Variants in FBXL17 observed in about 807,000 individuals in gnomAD.
The protein encoded by FBXL17 is F-box/LRR-repeat protein 17.
FBXL17 carries 22 observed loss-of-function variants against 66.2 expected under a neutral mutation model. The observed-to-expected ratio is 0.33, with a 90% CI of 0.24 to 0.47. The LOEUF (loss-of-function observed/expected upper bound fraction) is 0.47, where lower values mean the gene tolerates loss of function less well. Ranked by LOEUF, FBXL17 falls within the 20% of genes least tolerant of loss-of-function variation. The pLI, the probability that FBXL17 is intolerant of heterozygous loss-of-function variation, is 1.00. For synonymous variants in FBXL17, 474 were observed against 400.5 expected, an observed-to-expected ratio of 1.18 and a Z score of -2.19; for missense variants, 878 against 948.2, an observed-to-expected ratio of 0.93 and a Z score of 0.97.
chr5:108,300,814 T>C (rs1161392030), intron 4 of FBXL17, among the ~76,000 whole-genome samples: 1 of 151,744 alleles, frequency 6.6e-6, no homozygotes, highest in Non-Finnish European at 1.5e-5. Context: ...TTGTGTTATA[T>C]ATGTAAGAGT....
At position 107,980,644 on chromosome 5, in the gene FBXL17, TAA is replaced by T. The variant is rs1491257666; in HGVS notation, c.1822+40279_1822+40280del. Among the ~76,000 whole-genome samples, 30 of 87,826 alleles carry T rather than the reference TAA, an allele frequency of 3.4e-4. 4 individuals are homozygous for T. The highest frequency in any genetic ancestry group is 1.3e-3 in the South Asian group (3 of 2,336). 57.6% of individuals were successfully genotyped at this position (87,826 alleles called of 152,430 possible). A position where few individuals can be genotyped will look rare whatever the true frequency, so the allele number is the denominator to read the frequency against. ...GAGCCACCATGACTGGCCAATAAAA[TAA>T]TATATATATATATATATATTTTTTT... On this transcript the variant is annotated intron_variant, in intron 7 of 8. Transcript: ENST00000542267.
rs572908297 is a variant in FBXL17 at position 108,094,756 on chromosome 5, C to G, written c.1746-73755G>C. Among the ~76,000 whole-genome samples the G allele has an allele frequency of 5.3e-5, 8 of 151,782 alleles. No homozygotes were observed. The South Asian group carries it at 1.2e-3, about 24-fold the overall frequency. ...GTTATTGTCTAAACCATTTCTGGGA[C>G]TAATTATTACATTATTTACTATGAT... is the stretch of plus-strand genomic sequence containing the variant. On this transcript the variant is annotated intron_variant, in intron 6 of 8. Coordinates refer to ENST00000542267, the MANE Select transcript of FBXL17 (RefSeq NM_001163315.3).
At chr5:107,933,585 G>T (rs184763283) in intron 7 of FBXL17, among the ~76,000 whole-genome samples, 2 of 152,218 alleles carry the variant, frequency 1.3e-5, no homozygotes, top group African/African-American at 4.8e-5. Flanking sequence ...TAAGTATACA[G>T]ACTTAAACAA....
chr5:108,254,516 CTGT>C (rs1184536502), intron 4 of FBXL17, among the ~76,000 whole-genome samples: 1 of 152,144 alleles, frequency 6.6e-6, no homozygotes, highest in African/African-American at 2.4e-5. Flanking sequence ...TCAGGATATT[CTGT>C]AGGCATCATT....
At chr5:108,358,020 T>C (rs2112533752) in intron 3 of FBXL17, among the ~76,000 whole-genome samples, 1 of 152,310 alleles carries the variant, frequency 6.6e-6, no homozygotes, top group African/African-American at 2.4e-5. Flanking sequence ...TTTTTCTGTA[T>C]TTTGATTTTG....
intron 6 of FBXL17, among the ~76,000 whole-genome samples, chr5:108,057,504 C>G (rs1458525165): frequency 6.6e-6 from 1 of 152,126 alleles, no homozygotes; most frequent in African/African-American, 2.4e-5. Context: ...TCCATCTCCC[C>G]AAGCTCTATA....
chr5:108,250,105 T>A (rs1036954299), intron 4 of FBXL17, among the ~76,000 whole-genome samples: 1 of 152,156 alleles, frequency 6.6e-6, no homozygotes, highest in Non-Finnish European at 1.5e-5. Context: ...TTCAGTACCA[T>A]TAATGCTAAC....
chr5:108,187,177 A>T (rs1753272496), intron 5 of FBXL17, among the ~76,000 whole-genome samples: 1 of 152,200 alleles, frequency 6.6e-6, no homozygotes, highest in Admixed American at 6.5e-5. Context: ...GCTGATGTTT[A>T]GCCTCTAAAG....
chr5:108,270,370 A>G (rs957388662), intron 4 of FBXL17, among the ~76,000 whole-genome samples: 1 of 151,516 alleles, frequency 6.6e-6, no homozygotes, highest in Admixed American at 6.6e-5. Flanking sequence ...CCTAAATCAT[A>G]TATTTATGAT....
At chr5:108,345,374 A>C (rs1442852420) in intron 4 of FBXL17, among the ~76,000 whole-genome samples, 3 of 151,650 alleles carry the variant, frequency 2.0e-5, no homozygotes, top group African/African-American at 7.3e-5. Flanking sequence ...TGTACATCTA[A>C]GTCCTCAGTT....
intron 6 of FBXL17, among the ~76,000 whole-genome samples, chr5:108,165,476 G>A (rs183892084): frequency 6.6e-6 from 1 of 152,278 alleles, no homozygotes; most frequent in East Asian, 1.9e-4. Context: ...ACAATCTAGA[G>A]ACTACAGTCA....
At chr5:108,347,578 C>T (rs1382190089) in intron 4 of FBXL17, among the ~76,000 whole-genome samples, 1 of 152,122 alleles carries the variant, frequency 6.6e-6, no homozygotes, top group Non-Finnish European at 1.5e-5. Flanking sequence ...ACACCAGAAA[C>T]AAGACCACGT....
At chr5:108,052,945 GA>G (rs1259538712) in intron 6 of FBXL17, among the ~76,000 whole-genome samples, 13 of 152,182 alleles carry the variant, frequency 8.5e-5, no homozygotes, top group Non-Finnish European at 1.8e-4. Context: ...AAGCAATGGG[GA>G]AAAAAATCTC....
chr5:108,360,808 A>G (rs1465063154), intron 3 of FBXL17, among the ~76,000 whole-genome samples: 3 of 152,036 alleles, frequency 2.0e-5, no homozygotes, highest in Non-Finnish European at 4.4e-5. Flanking sequence ...CTTAGACTCA[A>G]TAAATTCAAT....
intron 5 of FBXL17, among the ~76,000 whole-genome samples, chr5:108,211,406 G>C (rs1754365163): frequency 6.6e-6 from 1 of 152,286 alleles, no homozygotes; most frequent in East Asian, 1.9e-4. Flanking sequence ...AGTTGATGGA[G>C]TTTCTTCATA....
At chr5:108,353,336 G>C (rs1455959909) in intron 3 of FBXL17, among the ~76,000 whole-genome samples, 2 of 152,180 alleles carry the variant, frequency 1.3e-5, no homozygotes, top group Admixed American at 6.5e-5. Context: ...ACCAGGGCTA[G>C]AGTAGGAAAA....
At chr5:108,037,691 AT>A (rs1746898092) in intron 6 of FBXL17, among the ~76,000 whole-genome samples, 1 of 152,076 alleles carries the variant, frequency 6.6e-6, no homozygotes, top group East Asian at 1.9e-4. Flanking sequence ...CACATTCCTT[AT>A]TTTTACAGTG....
intron 7 of FBXL17, among the ~76,000 whole-genome samples, chr5:108,013,600 G>A (rs55980663): frequency 0.051 from 7,759 of 152,030 alleles, 232 homozygotes; most frequent in African/African-American, 0.064. Flanking sequence ...ATTTTACATG[G>A]TTTCCGTCTT....
intron 4 of FBXL17, among the ~76,000 whole-genome samples, chr5:108,260,759 T>C (rs562853053): frequency 1.3e-5 from 2 of 152,210 alleles, no homozygotes; most frequent in African/African-American, 4.8e-5. Context: ...GGCCACTAGA[T>C]GGCACCAAAC....
Sources: gnomAD v4.1 joint callset for allele counts (sites outside exome capture counted in the v4.1 genomes callset) on GRCh38, gnomAD v4.1.1 for gene constraint, MANE v1.5 for transcripts, NCBI Gene and HGNC (gene_info 2026-07-23, HGNC 2026-07-21) for gene names.